CTSH: variants seen among roughly 807,000 people sequenced by gnomAD.
CTSH encodes the protein cathepsin H, also known as pro-cathepsin H.
A neutral mutation model predicts 56.3 loss-of-function variants in CTSH; 52 were observed. The observed-to-expected ratio is 0.92, with a 90% CI of 0.74 to 1.16. The LOEUF is 1.16. Ranked by LOEUF, CTSH falls within the 50% of genes most tolerant of loss-of-function variation. The pLI is 0.00. For missense variants in CTSH, 406 were observed against 424.5 expected (o/e 0.96, Z 0.38); for synonymous variants, 174 against 155.7 (o/e 1.12, Z -0.88).
chr15:78,938,135 G>A (rs2055214887), intron 2 of CTSH, among the ~76,000 whole-genome samples: 1 of 152,198 alleles, frequency 6.6e-6, no homozygotes, highest in Non-Finnish European at 1.5e-5. Flanking sequence ...TTGGGAGGCT[G>A]AGGCGGGTGG....
At position 78,922,034 on chromosome 15, in the gene CTSH, A is replaced by G; in HGVS notation, c.*96T>C. 1 of 1,149,586 alleles carries G rather than the reference A, an allele frequency of 8.7e-7. No homozygotes were observed. The highest frequency in any genetic ancestry group is 1.3e-6 in the Non-Finnish European group (1 of 792,528). 71.2% of individuals were successfully genotyped at this position (1,149,586 alleles called of 1,614,324 possible). On this transcript the variant is annotated 3_prime_UTR_variant, in exon 12 of 12. Transcript: ENST00000220166. ...GGCAGAATGTTGGGGGTCCCAGTGG[A>G]TCTCCCCACAACTTCCTCCAGGGCA... is the stretch of plus-strand genomic sequence containing the variant.
At chr15:78,939,740 A>T (rs1279418860) in intron 1 of CTSH, among the ~76,000 whole-genome samples, 1 of 152,204 alleles carries the variant, frequency 6.6e-6, no homozygotes, top group Non-Finnish European at 1.5e-5. Flanking sequence ...TATAAAAATC[A>T]GCTGGGTATG....
chr15:78,943,482 G>A (rs567759301), intron 1 of CTSH, among the ~76,000 whole-genome samples: 3 of 152,178 alleles, frequency 2.0e-5, no homozygotes, highest in South Asian at 2.1e-4. Context: ...CGACTGCCTC[G>A]GTCTCCCAAA....
At chr15:78,923,190 G>C in intron 10 of CTSH, 72 bp from the exon 11 acceptor site, 1 of 1,551,100 alleles carries the variant, frequency 6.4e-7, no homozygotes, top group Non-Finnish European at 8.8e-7. Context: ...ATCCAACAAC[G>C]CCTCTTTGAG....
rs143276719 is a variant in CTSH, at chr15:78,931,469, T to C, written c.530A>G (p.Asn177Ser). 203 of 1,614,208 alleles carry C rather than the reference T, an allele frequency of 1.3e-4. No homozygotes were observed. The highest frequency in any genetic ancestry group is 3.3e-4 in the Middle Eastern group (2 of 6,062). Reference sequence around the variant, plus strand: ...GACGTACCCTTGGCAGCCGTGATTATTGAAGTCCTGGGCGCAGTCCACCAG... The same window carrying C: ...GACGTACCCTTGGCAGCCGTGATTACTGAAGTCCTGGGCGCAGTCCACCAG... ...QQLVDCAQDFNNHGCQGGLPS... is the reference protein window; with the variant it reads ...QQLVDCAQDFSNHGCQGGLPS... Residue 177 changes from asparagine to serine, a missense_variant, in exon 7 of 12, where the codon AAT (asparagine) becomes AGT (serine). Transcript: ENST00000220166.
chr15:78,932,039 C>G, intron 6 of CTSH: 1 of 1,203,766 alleles, frequency 8.3e-7, no homozygotes. Context: ...ACAACTGAGG[C>G]TGCTGGGAAG....
At chr15:78,934,934 G>C in intron 5 of CTSH, 44 bp downstream of exon 5, 1 of 1,249,228 alleles carries the variant, frequency 8.0e-7, no homozygotes, top group South Asian at 1.2e-5. Context: ...TTGTCTGGGA[G>C]TGTGGCCGTT....
At chr15:78,937,693 A>G (rs529163676) in intron 2 of CTSH, 1 of 1,377,368 alleles carries the variant, frequency 7.3e-7, no homozygotes, top group Non-Finnish European at 9.6e-7. Context: ...AACCTGCCAC[A>G]TGTGGGGCAC....
intron 8 of CTSH, among the ~76,000 whole-genome samples, chr15:78,928,339 G>A (rs1007237338): frequency 4.0e-5 from 6 of 149,068 alleles, no homozygotes; most frequent in Admixed American, 1.3e-4. Context: ...AGGCCGAGGC[G>A]GTAGATCACG....
At chr15:78,939,375 A>G (rs2055241752) in intron 1 of CTSH, among the ~76,000 whole-genome samples, 1 of 152,234 alleles carries the variant, frequency 6.6e-6, no homozygotes, top group Admixed American at 6.5e-5. Flanking sequence ...GAAAAAGTAT[A>G]TACTATTAGT....
chr15:78,925,088 C>T (rs750260463), intron 10 of CTSH, among the ~76,000 whole-genome samples: 1 of 152,174 alleles, frequency 6.6e-6, no homozygotes, highest in Non-Finnish European at 1.5e-5. Context: ...AGCCAGGTGG[C>T]CTGTGTCTGT....
Position 78,922,991 on chromosome 15 carries a change from A to T in CTSH, c.932+2T>A. On this transcript the variant is annotated splice_donor_variant, in intron 11 of 11. Coordinates refer to ENST00000220166, the MANE Select transcript of CTSH (RefSeq NM_004390.5). LOFTEE classifies it high-confidence loss of function. ...CAGAAGTGGGACCTGGGAGCTGCTTACCCGTTCATTCCCCACTGGGGACCC... is the reference window on the plus strand; with the variant it reads ...CAGAAGTGGGACCTGGGAGCTGCTTTCCCGTTCATTCCCCACTGGGGACCC... 6.2e-7 allele frequency: 1 copy of T among 1,607,316 alleles called. No individual in the cohort carries two copies. The highest frequency in any genetic ancestry group is 1.1e-5 in the South Asian group (1 of 89,722).
At chr15:78,931,713 T>G in intron 6 of CTSH, 1 of 1,445,452 alleles carries the variant, frequency 6.9e-7, no homozygotes, top group South Asian at 1.4e-5. Flanking sequence ...CGGGAGGGGC[T>G]CAGTAAGCAG....
At chr15:78,929,129 G>T (rs895764502) in intron 8 of CTSH, among the ~76,000 whole-genome samples, 1 of 152,130 alleles carries the variant, frequency 6.6e-6, no homozygotes, top group African/African-American at 2.4e-5. Context: ...AGATGGGGCA[G>T]GTGGGGGGAA....
chr15:78,937,664 C>G (rs1019405988), intron 2 of CTSH: 16 of 1,390,790 alleles, frequency 1.2e-5, no homozygotes, highest in Middle Eastern at 2.5e-4. Context: ...GAATGTGGTC[C>G]AAGAGGCACT....
chr15:78,932,219 G>T (rs2055076685), intron 6 of CTSH, among the ~76,000 whole-genome samples, 153 bp downstream of exon 6: 1 of 152,210 alleles, frequency 6.6e-6, no homozygotes, highest in South Asian at 2.1e-4. Flanking sequence ...CATCAATTGA[G>T]ATTCTCATGC....
chr15:78,924,814 C>G (rs368207388), intron 10 of CTSH, among the ~76,000 whole-genome samples: 3 of 151,204 alleles, frequency 2.0e-5, no homozygotes, highest in Non-Finnish European at 2.9e-5. Context: ...CTCAGCCTCC[C>G]GAGTAGCTGG....
At chr15:78,922,228 G>T in intron 11 of CTSH, 23 bp from the exon 12 acceptor site, 2 of 1,557,084 alleles carry the variant, frequency 1.3e-6, no homozygotes, top group Admixed American at 1.9e-5. Context: ...AGGAGCTGAG[G>T]CCCGGCCGGC....
chr15:78,931,596 T>C (rs772890975), intron 6 of CTSH, 90 bp from the exon 7 acceptor site: 48 of 1,605,344 alleles, frequency 3.0e-5, no homozygotes, highest in Non-Finnish European at 3.8e-5. Flanking sequence ...CTGAGCCACA[T>C]CTGAGGCCCC....
Sources: allele counts gnomAD v4.1 joint callset (sites outside exome capture counted in the v4.1 genomes callset), GRCh38; gene constraint gnomAD v4.1.1; transcripts MANE v1.5; gene names NCBI Gene and HGNC (gene_info 2026-07-23, HGNC 2026-07-21).